The following PRPH2 variants were observed in gnomAD, a reference collection of about 807,000 sequenced individuals.
The protein encoded by PRPH2 is peripherin-2.
A neutral mutation model predicts 31.3 loss-of-function variants in PRPH2; 17 were observed. The ratio of observed to expected loss-of-function variants is 0.54; its 90% CI spans 0.37 to 0.81. The LOEUF (loss-of-function observed/expected upper bound fraction) is 0.81, where lower values mean the gene tolerates loss of function less well. Among genes scored for constraint, PRPH2 ranks in the 40% least tolerant of loss-of-function variants. The pLI is 0.00. For missense variants in PRPH2, 430 were observed against 439.7 expected, an observed-to-expected ratio of 0.98 and a Z score of 0.20; for synonymous variants, 165 against 184.4, an observed-to-expected ratio of 0.89 and a Z score of 0.85.
intron 1 of PRPH2, 73 bp downstream of exon 1, chr6:42,721,681 G>A (rs1323616353): frequency 7.7e-6 from 12 of 1,555,258 alleles, no homozygotes; most frequent in South Asian, 4.5e-5. Context: ...GGGGAGAGGG[G>A]CTGGTCAGAG....
In PRPH2 at chr6:42,700,117, C is replaced by T. The variant is rs115262452; in HGVS notation, c.829-1610G>A. On this transcript the variant is annotated intron_variant, in intron 2 of 2. Coordinates refer to ENST00000230381, the MANE Select transcript of PRPH2 (RefSeq NM_000322.5). The stretch of plus-strand genomic sequence containing the variant: ...GGGATTACAGGCGTCAAAAACTTGG[C>T]ACCACGCCTGGCTAATTTTTATATT... Among the ~76,000 whole-genome samples the T allele has an allele frequency of 5.2e-3, 798 of 152,242 alleles. 4 individuals carry two copies. The highest frequency in any genetic ancestry group is 0.018 in the African/African-American group (743 of 41,548).
intron 1 of PRPH2, among the ~76,000 whole-genome samples, chr6:42,706,500 G>A (rs1039588662): frequency 1.3e-5 from 2 of 151,640 alleles, no homozygotes; most frequent in Non-Finnish European, 1.5e-5. Flanking sequence ...AGCTATTCGG[G>A]AGGCTGAGGC....
intron 1 of PRPH2, among the ~76,000 whole-genome samples, chr6:42,707,047 G>A (rs9462818): frequency 0.25 from 36,829 of 146,058 alleles, 4,912 homozygotes; most frequent in African/African-American, 0.35. Context: ...GTGCAGTGGT[G>A]TGCCACCATG....
At chr6:42,719,634 G>T (rs1761859586) in intron 1 of PRPH2, among the ~76,000 whole-genome samples, 1 of 144,582 alleles carries the variant, frequency 6.9e-6, no homozygotes, top group African/African-American at 2.6e-5. Context: ...GCAATGGCGA[G>T]ATCTCAGCTC....
At chr6:42,707,526 G>A (rs1224508024) in intron 1 of PRPH2, among the ~76,000 whole-genome samples, 1 of 152,118 alleles carries the variant, frequency 6.6e-6, no homozygotes, top group Non-Finnish European at 1.5e-5. Context: ...CCATGCTCAG[G>A]AGAACCTGTC....
rs1382351454 is a variant in PRPH2 at position 42,722,425 on chromosome 6, A to G, written c.-91T>C. 1 of 1,567,908 alleles carries G rather than the reference A, an allele frequency of 6.4e-7. No individual in the cohort carries two copies. Among genetic ancestry groups the G allele is most frequent in the African/African-American group, 1.3e-5 (1 of 74,176 alleles). ...AGAGGCGGAGACTTAGGGCCTTGGG[A>G]AAAGTGCAGATGGCCCAAGCTGTAG... is the stretch of plus-strand genomic sequence containing the variant. On this transcript the variant is annotated 5_prime_UTR_variant, in exon 1 of 3. Transcript: ENST00000230381. This position sits in a 1 kb window ranked among gnomAD's most constrained non-coding sequence, Gnocchi z 4.4.
intron 1 of PRPH2, chr6:42,712,007 A>T: frequency 1.0e-6 from 1 of 976,158 alleles, no homozygotes; most frequent in Non-Finnish European, 1.2e-6. Flanking sequence ...GGTAAGATAC[A>T]CAGAGCGGCA....
rs114358331 is a variant in PRPH2 at position 42,710,984 on chromosome 6, A to T, written c.582-6373T>A. ...CAGGGGATGGTGGAAATTAAATGGG[A>T]TCATACACGTGGAGCATTTGGTACA... On this transcript the variant is annotated intron_variant, in intron 1 of 2. Transcript: ENST00000230381. Among the ~76,000 whole-genome samples the T allele has an allele frequency of 7.0e-3, 1,062 of 152,296 alleles. 5 individuals carry two copies. Among genetic ancestry groups the T allele is most frequent in the Non-Finnish European group, 0.011 (771 of 68,036 alleles).
rs1761925041 is a variant in PRPH2 at position 42,722,473 on chromosome 6, A to G, written c.-139T>C. 6.6e-7 allele frequency: 1 copy of G among 1,521,372 alleles called. No individual in the cohort carries two copies. The highest frequency in any genetic ancestry group is 8.8e-7 in the Non-Finnish European group (1 of 1,140,096). 94.2% of individuals were successfully genotyped at this position (1,521,372 alleles called of 1,614,324 possible). ...TAGGGAGCTGCCCTGGGGGCTACCC[A>G]TGTCGAGTCCCACTAGCCTGGGATC... On this transcript the variant is annotated 5_prime_UTR_variant, in exon 1 of 3. It removes an upstream start codon present in the reference 5' UTR. Transcript: ENST00000230381. This position sits in a 1 kb window ranked among gnomAD's most constrained non-coding sequence, Gnocchi z 4.4.
At chr6:42,705,599 A>AAATATATATATATATATATAT (rs1562424252) in intron 1 of PRPH2, among the ~76,000 whole-genome samples, 2 of 21,556 alleles carry the variant, frequency 9.3e-5, no homozygotes, top group Non-Finnish European at 1.7e-4. Flanking sequence ...AAAAAAAAAA[A>AAATATATATATATATATATAT]ATATATATAT....
chr6:42,718,745 C>T (rs1179714902), intron 1 of PRPH2, among the ~76,000 whole-genome samples: 1 of 151,996 alleles, frequency 6.6e-6, no homozygotes, highest in Admixed American at 6.6e-5. Flanking sequence ...GCCTCCTGGG[C>T]TCAAATAAAT....
intron 1 of PRPH2, among the ~76,000 whole-genome samples, chr6:42,712,594 G>A (rs975265520): frequency 1.3e-5 from 2 of 152,070 alleles, no homozygotes; most frequent in African/African-American, 4.8e-5. Context: ...GTGATGGCTA[G>A]GTGATAGGGA....
chr6:42,711,897 T>C (rs915227783), intron 1 of PRPH2: 20 of 985,286 alleles, frequency 2.0e-5, no homozygotes, highest in East Asian at 2.3e-4. Flanking sequence ...CCGCATGTTC[T>C]ACCTCTCACC....
intron 1 of PRPH2, among the ~76,000 whole-genome samples, chr6:42,709,030 A>G (rs1444467699): frequency 3.3e-5 from 5 of 152,138 alleles, no homozygotes; most frequent in African/African-American, 9.7e-5. Flanking sequence ...GCCCAAAGCC[A>G]CACAAGAAGT....
Position 42,704,538 on chromosome 6 carries a change from G to C in PRPH2, c.655C>G (p.Pro219Ala). Residue 219 changes from proline (P) to alanine (A), a missense_variant, in exon 2 of 3, where the codon CCA becomes GCA. Transcript: ENST00000230381. ...VPFSCCNPSS[P>A]RPCIQYQITN... The stretch of plus-strand genomic sequence containing the variant: ...ATCTGATACTGGATGCAGGGCCGTG[G>C]CGAGCTAGGATTGCAGCAGCTGAAA... 3 of 1,614,174 alleles carry C rather than the reference G, an allele frequency of 1.9e-6. No individual in the cohort carries two copies. The highest frequency in any genetic ancestry group is 1.6e-4 in the Middle Eastern group (1 of 6,062).
chr6:42,704,569 G>A lies in PRPH2; in HGVS notation c.624C>T (p.Gly208=), dbSNP rs1017291351. The A allele has an allele frequency of 5.6e-6, 9 of 1,614,040 alleles. No individual in the cohort carries two copies. The highest frequency in any genetic ancestry group is 2.2e-5 in the East Asian group (1 of 44,894). Residue 208 remains glycine (G), a synonymous_variant, in exon 2 of 3, where the codon GGC becomes GGT. Transcript: ENST00000230381. ...TAGGATTGCAGCAGCTGAAAGGGAC[G>A]CCGTCCACCAGGTACCGCCCATCCA... is the stretch of plus-strand genomic sequence containing the variant. ...SNVDGRYLVD[G]VPFSCCNPSS...
intron 1 of PRPH2, among the ~76,000 whole-genome samples, chr6:42,705,624 A>G (rs1032258587): frequency 8.8e-5 from 11 of 125,128 alleles, no homozygotes; most frequent in Admixed American, 8.3e-4. Flanking sequence ...ATATATATAT[A>G]TATATATTTG....
intron 1 of PRPH2, among the ~76,000 whole-genome samples, chr6:42,706,017 T>C (rs927085637): frequency 4.7e-5 from 7 of 150,232 alleles, no homozygotes; most frequent in Non-Finnish European, 7.4e-5. Flanking sequence ...ACACCTGTAA[T>C]CTCAGCACTT....
intron 1 of PRPH2, among the ~76,000 whole-genome samples, chr6:42,721,076 C>G (rs1761893466): frequency 1.3e-5 from 2 of 152,182 alleles, no homozygotes; most frequent in South Asian, 4.1e-4. Context: ...ATGCCAGCTA[C>G]CAGGCAGGGC....
Sources: allele counts gnomAD v4.1 joint callset (sites outside exome capture counted in the v4.1 genomes callset), GRCh38; gene constraint gnomAD v4.1.1; non-coding constraint Gnocchi (gnomAD v3.1); transcripts MANE v1.5; gene names NCBI Gene and HGNC (gene_info 2026-07-23, HGNC 2026-07-21).